ADAMTSL1: variants seen among roughly 807,000 people sequenced by gnomAD.
The protein encoded by ADAMTSL1 is ADAMTS-like protein 1.
In ADAMTSL1, 126 loss-of-function variants were observed where a neutral mutation model predicts 201.8. The observed-to-expected ratio is 0.62, with a 90% confidence interval of 0.54 to 0.72. The LOEUF (loss-of-function observed/expected upper bound fraction) is 0.72. ADAMTSL1 is among the 30% of genes least tolerant of loss of function. The pLI, the probability that ADAMTSL1 is intolerant of heterozygous loss-of-function variation, is 0.00. For missense variants in ADAMTSL1, 2,679 were observed against 2,277.8 expected (o/e 1.18, Z -3.59); for synonymous variants, 1,121 against 903.4 (o/e 1.24, Z -4.32).
intron 2 of ADAMTSL1, among the ~76,000 whole-genome samples, chr9:18,348,982 G>A (rs1268786762): frequency 6.6e-6 from 1 of 152,074 alleles, no homozygotes; most frequent in Admixed American, 6.6e-5. Context: ...GACCATGAAG[G>A]CAAGTACTAC....
At chr9:18,436,705 G>A (rs997567797) in intron 2 of ADAMTSL1, among the ~76,000 whole-genome samples, 13 of 152,108 alleles carry the variant, frequency 8.5e-5, no homozygotes, top group African/African-American at 2.9e-4. Flanking sequence ...AATTGATGCT[G>A]CTGATTCCCC....
intron 9 of ADAMTSL1, among the ~76,000 whole-genome samples, chr9:18,667,566 T>C (rs1458723337): frequency 6.6e-6 from 1 of 152,150 alleles, no homozygotes; most frequent in Non-Finnish European, 1.5e-5. Context: ...ATAATAACAA[T>C]ACTTACCTCA....
chr9:18,235,555 T>C lies in ADAMTSL1; in HGVS notation c.207+71574T>C, dbSNP rs140668688. 5.6e-3 allele frequency among the ~76,000 whole-genome samples: 849 copies of C among 152,336 alleles called. 15 individuals are homozygous for C. Among genetic ancestry groups the C allele is most frequent in the African/African-American group, 0.019 (792 of 41,572 alleles). ...CACAGGTATTAGCTCTAATAATTAA[T>C]AGAATACTGAGAATTTGCCAACCAG... On this transcript the variant is annotated intron_variant, in intron 2 of 29. Coordinates refer to the ADAMTSL1 transcript ENST00000680146.
At chr9:18,502,020 C>G (rs1195025835) in intron 1 of ADAMTSL1, among the ~76,000 whole-genome samples, 2 of 152,142 alleles carry the variant, frequency 1.3e-5, no homozygotes, top group East Asian at 3.8e-4. Flanking sequence ...ATTTGTTTTT[C>G]TAGAAAAACA....
intron 26 of ADAMTSL1, among the ~76,000 whole-genome samples, chr9:18,902,273 C>T (rs183776488): frequency 1.1e-3 from 172 of 152,294 alleles, no homozygotes; most frequent in African/African-American, 3.6e-3. Flanking sequence ...AACAGACATA[C>T]AGAGGACTCC....
chr9:18,316,951 A>G (rs1032194374), intron 2 of ADAMTSL1, among the ~76,000 whole-genome samples: 1 of 152,168 alleles, frequency 6.6e-6, no homozygotes. Flanking sequence ...AGCGTTATTC[A>G]CAATAGCCAA....
At chr9:18,423,721 G>A (rs1819067124) in intron 2 of ADAMTSL1, among the ~76,000 whole-genome samples, 1 of 152,182 alleles carries the variant, frequency 6.6e-6, no homozygotes, top group Admixed American at 6.5e-5. Context: ...TGCCTGAGCT[G>A]CGTTAGAAAA....
At chr9:18,494,516 C>T (rs1172439607) in intron 1 of ADAMTSL1, among the ~76,000 whole-genome samples, 1 of 152,092 alleles carries the variant, frequency 6.6e-6, no homozygotes, top group Non-Finnish European at 1.5e-5. Context: ...AATCTAGGCA[C>T]TATCAAGATC....
At chr9:18,753,168 C>G (rs1564204101) in intron 15 of ADAMTSL1, 130 bp from the exon 16 acceptor site, 1 of 818,962 alleles carries the variant, frequency 1.2e-6, no homozygotes, top group Non-Finnish European at 2.1e-6. Flanking sequence ...TAAGATAGAG[C>G]TGCCAGCCAA....
chr9:18,569,838 G>A (rs958521449), intron 3 of ADAMTSL1, among the ~76,000 whole-genome samples: 3 of 151,996 alleles, frequency 2.0e-5, no homozygotes, highest in African/African-American at 7.3e-5. Context: ...CCAATTTAAA[G>A]TTTATTATTC....
chr9:17,918,270 A>C (rs1004773651), intron 1 of ADAMTSL1, among the ~76,000 whole-genome samples: 2 of 151,766 alleles, frequency 1.3e-5, no homozygotes, highest in Non-Finnish European at 3.0e-5. Flanking sequence ...ATTCTCAAAC[A>C]CAGATGTTTA....
At chr9:18,263,899 G>C (rs1832022300) in intron 2 of ADAMTSL1, among the ~76,000 whole-genome samples, 1 of 152,132 alleles carries the variant, frequency 6.6e-6, no homozygotes, top group Non-Finnish European at 1.5e-5. Flanking sequence ...TGGACTTTTA[G>C]CTTCCAGAAC....
chr9:18,839,844 T>A (rs1264599754), intron 23 of ADAMTSL1, among the ~76,000 whole-genome samples: 1 of 151,084 alleles, frequency 6.6e-6, no homozygotes, highest in East Asian at 1.9e-4. Context: ...TTTTGAGAAG[T>A]GTCTGTTCAT....
chr9:18,141,854 G>A (rs1412303201), intron 1 of ADAMTSL1, among the ~76,000 whole-genome samples: 1 of 152,170 alleles, frequency 6.6e-6, no homozygotes, highest in Non-Finnish European at 1.5e-5. Context: ...AAATTGACCA[G>A]ATTCTACCTC....
chr9:18,711,129 T>G (rs1329959545), intron 14 of ADAMTSL1, among the ~76,000 whole-genome samples: 1 of 152,106 alleles, frequency 6.6e-6, no homozygotes, highest in East Asian at 1.9e-4. Flanking sequence ...CATTAAAAAA[T>G]TGTTTGAAAA....
intron 2 of ADAMTSL1, among the ~76,000 whole-genome samples, chr9:18,462,194 C>T (rs754652144): frequency 2.9e-4 from 44 of 152,134 alleles, no homozygotes; most frequent in Non-Finnish European, 5.7e-4. Flanking sequence ...TATATATGTG[C>T]ATGTGTTGTG....
At chr9:18,613,185 T>G (rs1301927202) in intron 4 of ADAMTSL1, among the ~76,000 whole-genome samples, 1 of 152,202 alleles carries the variant, frequency 6.6e-6, no homozygotes, top group African/African-American at 2.4e-5. Context: ...CCAGTCAGAA[T>G]AGCTATTATT....
intron 2 of ADAMTSL1, among the ~76,000 whole-genome samples, chr9:18,311,170 C>G (rs746707615): frequency 6.6e-6 from 1 of 151,202 alleles, no homozygotes; most frequent in African/African-American, 2.4e-5. Flanking sequence ...CAGATGGACA[C>G]AGGGAGGGGA....
intron 1 of ADAMTSL1, among the ~76,000 whole-genome samples, chr9:18,099,329 AT>A (rs1229599490): frequency 4.7e-5 from 2 of 42,628 alleles, no homozygotes; most frequent in South Asian, 9.5e-4. Flanking sequence ...AATGGAAAAT[AT>A]ATATATATAT....
Sources: allele counts gnomAD v4.1 joint callset (sites outside exome capture counted in the v4.1 genomes callset), GRCh38; gene constraint gnomAD v4.1.1; transcripts MANE v1.5; gene names NCBI Gene and HGNC (gene_info 2026-07-23, HGNC 2026-07-21).